Variants in PARP16 observed in about 807,000 individuals in gnomAD.
PARP16 encodes poly(ADP-ribose) polymerase family member 16, also known as protein mono-ADP-ribosyltransferase PARP16.
A neutral mutation model predicts 35.0 loss-of-function variants in PARP16; 31 were observed. That is an observed-to-expected ratio of 0.88 (90% CI 0.66 to 1.19). The LOEUF is 1.19. Among genes scored for constraint, PARP16 ranks in the 50% most tolerant of loss-of-function variants. PARP16 has a pLI of 0.00. For missense variants in PARP16, 424 were observed against 411.2 expected, an observed-to-expected ratio of 1.03 and a Z score of -0.27; for synonymous variants, 162 against 169.5, an observed-to-expected ratio of 0.96 and a Z score of 0.34.
chr15:65,235,924 A>G lies in PARP16; in HGVS notation c.*98-1101T>C, dbSNP rs373758261. ...GTTGCCCAGGCTGGAGTGCAGTGGC[A>G]CGATCTCACTGCAACCTCCGCCTCT... On this transcript the variant is annotated intron_variant and NMD_transcript_variant, in intron 3 of 3. Coordinates refer to the PARP16 transcript ENST00000559805. Among the ~76,000 whole-genome samples, 10 of 139,888 alleles carry G rather than the reference A, an allele frequency of 7.1e-5. No homozygotes were observed. The East Asian group carries it at 8.8e-4, about 12-fold the overall frequency. 91.8% of individuals were successfully genotyped at this position (139,888 alleles called of 152,430 possible). A position where few individuals can be genotyped will look rare whatever the true frequency, so the allele number is the denominator to read the frequency against.
intron 3 of PARP16, among the ~76,000 whole-genome samples, chr15:65,241,541 C>T (rs1003336372): frequency 1.3e-5 from 2 of 152,114 alleles, no homozygotes; most frequent in African/African-American, 2.4e-5. Context: ...TTTTAATTTT[C>T]GCTTTTTTAG....
chr15:65,239,955 C>CTTTTTTTTTTTTTTTTTTTTTTTTTTTT (rs367808430), intron 3 of PARP16, among the ~76,000 whole-genome samples: 3 of 81,722 alleles, frequency 3.7e-5, no homozygotes, highest in South Asian at 3.8e-4. Context: ...CGCGTCTGAC[C>CTTTTTTTTTTTTTTTTTTTTTTTTTTTT]TTTTTTTTTT....
At chr15:65,231,629 G>A (rs541126696), downstream of PARP16, among the ~76,000 whole-genome samples, 32 of 152,100 alleles carry the variant, frequency 2.1e-4, no homozygotes, top group South Asian at 1.7e-3. Context: ...TGTATTTTTA[G>A]TAGAGACGGA....
chr15:65,270,883 C>A, intron 2 of PARP16, 52 bp downstream of exon 2: 1 of 1,590,708 alleles, frequency 6.3e-7, no homozygotes, highest in Non-Finnish European at 8.6e-7. Flanking sequence ...TCAGTGCTGT[C>A]CTAGAGCCCT....
chr15:65,251,747 C>T (rs546614622), intron 2 of PARP16, among the ~76,000 whole-genome samples: 3 of 152,070 alleles, frequency 2.0e-5, no homozygotes, highest in East Asian at 1.9e-4. Context: ...GGGTCACATG[C>T]CTAGGTTTTT....
At chr15:65,239,521 G>T (rs1482974481) in intron 3 of PARP16, among the ~76,000 whole-genome samples, 1 of 145,022 alleles carries the variant, frequency 6.9e-6, no homozygotes, top group Non-Finnish European at 1.5e-5. Flanking sequence ...ACCTCCAAAA[G>T]TTTTCTCGTG....
rs540307406 is a variant in PARP16, at chr15:65,259,242, A to G, written c.*165T>C. On this transcript the variant is annotated 3_prime_UTR_variant, in exon 6 of 6. Coordinates refer to ENST00000649807, the MANE Select transcript of PARP16 (RefSeq NM_001316943.2). ...CCCCGTTGACTGGAGTATGGCTGGG[A>G]ACATCATCAAAGGCAATGGATACAT... 1.5e-6 allele frequency: 1 copy of G among 685,108 alleles called. No homozygotes were observed. The allele number at this position is 685,108 out of a possible 1,614,324, so 42.4% of individuals were successfully genotyped here.
At chr15:65,273,425 C>T (rs1357453088) in intron 1 of PARP16, among the ~76,000 whole-genome samples, 1 of 151,916 alleles carries the variant, frequency 6.6e-6, no homozygotes, top group Non-Finnish European at 1.5e-5. Context: ...ATCCTAGCTA[C>T]TCAGGAGGCT....
In PARP16 at chr15:65,286,720, G is replaced by A. The variant is rs1479758392; in HGVS notation, c.-294C>T. 2 of 388,140 alleles carry A rather than the reference G, an allele frequency of 5.2e-6. No homozygotes were observed. Among genetic ancestry groups the A allele is most frequent in the Admixed American group, 4.6e-5 (1 of 21,896 alleles). 24.0% of individuals were successfully genotyped at this position (388,140 alleles called of 1,614,324 possible). A position where few individuals can be genotyped will look rare whatever the true frequency, so the allele number is the denominator to read the frequency against. On this transcript the variant is annotated 5_prime_UTR_variant, in exon 1 of 6. Coordinates refer to ENST00000649807, the MANE Select transcript of PARP16 (RefSeq NM_001316943.2). ...GGAACTGGGGCTGGTGGGGGGGAGG[G>A]GTTCCCGGCCTAGGGGAAGGGCTAT... is the stretch of plus-strand genomic sequence containing the variant.
downstream of PARP16, among the ~76,000 whole-genome samples, chr15:65,256,961 C>T (rs759308588): frequency 1.4e-4 from 21 of 152,300 alleles, no homozygotes; most frequent in Non-Finnish European, 2.6e-4. Context: ...CCCAGCTCTG[C>T]CACATCCTAG....
chr15:65,238,023 C>T lies in PARP16; in HGVS notation c.*98-3200G>A, dbSNP rs1595976769. Among the ~76,000 whole-genome samples the T allele has an allele frequency of 3.9e-5, 6 of 152,308 alleles. No homozygotes were observed. In the East Asian group the frequency reaches 1.2e-3, roughly 29 times the overall value. On this transcript the variant is annotated intron_variant and NMD_transcript_variant, in intron 3 of 3. Transcript: ENST00000559805. ...TTTATTGGCTGGACGCAGTGGCTCA[C>T]GCCTGTAATCCCAGCACTTTGGGAG...
intron 2 of PARP16, among the ~76,000 whole-genome samples, chr15:65,270,109 G>A (rs2140909527): frequency 6.6e-6 from 1 of 152,316 alleles, no homozygotes; most frequent in African/African-American, 2.4e-5. Flanking sequence ...TCTTTGGCAG[G>A]AGCTTGTAAA....
Position 65,266,754 on chromosome 15 carries a change from T to G in PARP16, c.327A>C (p.Gln109His). 2 of 1,613,696 alleles carry G rather than the reference T, an allele frequency of 1.2e-6. No homozygotes were observed. Among genetic ancestry groups the G allele is most frequent in the Non-Finnish European group, 1.7e-6 (2 of 1,179,718 alleles). Residue 109 changes from glutamine to histidine, a missense_variant, in exon 3 of 6, where the codon CAA becomes CAC. Coordinates refer to ENST00000649807, the MANE Select transcript of PARP16 (RefSeq NM_001316943.2). ...SAGKAEFEKI[Q>H]KLTGAPHTPV... is the part of the protein sequence containing the mutation. ...GCGTGTGAGGAGCCCCAGTCAGCTT[T>G]TGGATCTTTTCAAACTTGAAAACAT...
intron 5 of PARP16, among the ~76,000 whole-genome samples, chr15:65,260,667 C>A (rs1053286764): frequency 6.6e-6 from 1 of 152,206 alleles, no homozygotes; most frequent in Non-Finnish European, 1.5e-5. Flanking sequence ...TTTGTGTTTA[C>A]CAATCTTTCT....
chr15:65,272,815 C>T (rs1030087785), intron 1 of PARP16, among the ~76,000 whole-genome samples: 9 of 152,244 alleles, frequency 5.9e-5, no homozygotes, highest in African/African-American at 1.4e-4. Context: ...CTCTCTACCT[C>T]GCCAAGGGGT....
intron 1 of PARP16, among the ~76,000 whole-genome samples, chr15:65,279,757 A>G (rs913233663): frequency 2.6e-5 from 4 of 152,222 alleles, no homozygotes; most frequent in Non-Finnish European, 5.9e-5. Context: ...AAATGATCAA[A>G]TCAGTTACTA....
At chr15:65,277,495 G>T (rs988410952) in intron 1 of PARP16, among the ~76,000 whole-genome samples, 2 of 152,214 alleles carry the variant, frequency 1.3e-5, no homozygotes, top group African/African-American at 4.8e-5. Context: ...AACCCTTACA[G>T]GTGCCAGCCA....
chr15:65,286,149 C>T (rs2090586169), intron 1 of PARP16, 104 bp downstream of exon 1: 4 of 944,080 alleles, frequency 4.2e-6, no homozygotes, highest in Non-Finnish European at 6.0e-6. Context: ...GAAAGTCTGG[C>T]GGCTGTCATG....
intron 1 of PARP16, among the ~76,000 whole-genome samples, chr15:65,275,777 G>C (rs982022580): frequency 2.6e-5 from 4 of 152,138 alleles, no homozygotes; most frequent in African/African-American, 9.7e-5. Flanking sequence ...TACCCATACA[G>C]GACTGCTGCC....
Sources: gnomAD v4.1 joint callset for allele counts (sites outside exome capture counted in the v4.1 genomes callset) on GRCh38, gnomAD v4.1.1 for gene constraint, MANE v1.5 for transcripts, NCBI Gene and HGNC (gene_info 2026-07-23, HGNC 2026-07-21) for gene names.